The following BAZ2B variants were observed in gnomAD, a reference collection of about 807,000 sequenced individuals.
The protein encoded by BAZ2B is bromodomain adjacent to zinc finger domain protein 2B.
A neutral mutation model predicts 246.0 loss-of-function variants in BAZ2B; 91 were observed. That is an observed-to-expected ratio of 0.37 (90% CI 0.31 to 0.44). BAZ2B has a LOEUF of 0.44. Ranked by LOEUF, BAZ2B falls within the 20% of genes least tolerant of loss-of-function variation. The pLI is 1.00. For synonymous variants in BAZ2B, 855 were observed against 860.0 expected (o/e 0.99, Z 0.10); for missense variants, 2,332 against 2,533.7 (o/e 0.92, Z 1.71).
intron 4 of BAZ2B, among the ~76,000 whole-genome samples, chr2:159,449,049 C>T (rs534821348): frequency 1.4e-4 from 22 of 152,168 alleles, no homozygotes; most frequent in African/African-American, 5.3e-4. Flanking sequence ...AAGCCTCTCC[C>T]CTTAAAGTTA....
chr2:159,482,518 G>T (rs1190929035), intron 2 of BAZ2B, among the ~76,000 whole-genome samples: 1 of 152,054 alleles, frequency 6.6e-6, no homozygotes, highest in African/African-American at 2.4e-5. Context: ...GGCAAGAAAA[G>T]AAACCTCAAG....
At chr2:159,374,880 CTAA>C (rs1268222543) in intron 25 of BAZ2B, 127 bp from the exon 26 acceptor site, 14 of 743,306 alleles carry the variant, frequency 1.9e-5, no homozygotes, top group Middle Eastern at 3.8e-4. Context: ...TTTCTATAAA[CTAA>C]TAATCTGGTA....
chr2:159,490,350 A>T lies in BAZ2B; in HGVS notation c.-2-11629T>A, dbSNP rs368873846. Among the ~76,000 whole-genome samples the T allele has an allele frequency of 3.0e-4, 46 of 152,334 alleles. 1 individual carries two copies. Among genetic ancestry groups the T allele is most frequent in the African/African-American group, 1.1e-3 (45 of 41,586 alleles). Reference sequence around the variant, plus strand: ...ATTTTATAATGCAGAAGTCCAAAATAGCAATAGAATCTACGCGACCTCCTA... The same window carrying T: ...ATTTTATAATGCAGAAGTCCAAAATTGCAATAGAATCTACGCGACCTCCTA... On this transcript the variant is annotated intron_variant, in intron 2 of 36. Coordinates refer to ENST00000392783, the MANE Select transcript of BAZ2B (RefSeq NM_013450.4).
chr2:159,613,321 C>T lies in BAZ2B; in HGVS notation c.-46+2921G>A, dbSNP rs1578962573. ...GTACTACAATTCGGCACTAGTTTAA[C>T]ATGTGAGAACAGTGAAGCTACTATT... On this transcript the variant is annotated intron_variant, in intron 1 of 36. Coordinates refer to ENST00000392783, the MANE Select transcript of BAZ2B (RefSeq NM_013450.4). Among the ~76,000 whole-genome samples, 4 of 152,104 alleles carry T rather than the reference C, an allele frequency of 2.6e-5. No individual in the cohort carries two copies. The East Asian group carries it at 7.7e-4, about 29-fold the overall frequency.
chr2:159,663,855 CTTTTTTTTTTTTT>C, the BAZ2B span, among the ~76,000 whole-genome samples: 59 of 92,480 alleles, frequency 6.4e-4, 1 homozygote, highest in South Asian at 0.011. Flanking sequence ...AAACCATTTT[CTTTTTTTTTTTTT>C]TTTTTTTTTT....
At chr2:159,651,896 G>A in the BAZ2B span, among the ~76,000 whole-genome samples, 1 of 152,022 alleles carries the variant, frequency 6.6e-6, no homozygotes, top group Non-Finnish European at 1.5e-5. Flanking sequence ...CTTCATTGCT[G>A]AATAATATTT....
At chr2:159,701,857 C>T in the BAZ2B span, among the ~76,000 whole-genome samples, 1 of 151,658 alleles carries the variant, frequency 6.6e-6, no homozygotes, top group Non-Finnish European at 1.5e-5. Context: ...GCCTCCTGAG[C>T]AGGTAGGACT....
At chr2:159,616,852 C>T (rs1387036785), upstream of BAZ2B, 1 of 152,084 alleles carries the variant, frequency 6.6e-6, no homozygotes, top group Non-Finnish European at 1.5e-5. Flanking sequence ...ACAAAAGCTA[C>T]AGAGTAGGGA....
intron 1 of BAZ2B, among the ~76,000 whole-genome samples, chr2:159,563,408 T>C (rs1290443751): frequency 2.0e-5 from 3 of 152,240 alleles, no homozygotes; most frequent in Non-Finnish European, 4.4e-5. Flanking sequence ...TAGTTAATTA[T>C]GTTTATAACA....
chr2:159,428,366 A>T lies in BAZ2B; in HGVS notation c.2309T>A (p.Val770Glu). ...RNFGGRLQGE[V>E]AYYAPCGKKL... ...CTTTCCACATGGAGCATAATATGCT[A>T]CTTCTCCTTGAAGGCGCCCTCCAAA... is the stretch of plus-strand genomic sequence containing the variant. The change falls in exon 12 of 37, where the codon GTA becomes GAA. Residue 770 changes from valine to glutamate, a missense_variant. Val to Glu is a moderately radical substitution (Grantham distance 121). This residue lies in a region of BAZ2B where 651 missense variants were observed against 650.9 expected (regional missense o/e 1.00). Coordinates refer to ENST00000392783, the MANE Select transcript of BAZ2B (RefSeq NM_013450.4). The T allele has an allele frequency of 1.9e-6, 3 of 1,613,374 alleles. No individual in the cohort carries two copies. The highest frequency in any genetic ancestry group is 2.5e-6 in the Non-Finnish European group (3 of 1,179,628).
At position 159,453,683 on chromosome 2, in the gene BAZ2B, T is replaced by A; in HGVS notation, c.264A>T (p.Glu88Asp). ...TACCAAGTGTCCCCAAACCACCAAA[T>A]TCTGAATGCCCTGAGCTGGCTGAAT... ...GLHSASSGHS[E>D]FGGLGTLGTP... is the part of the protein sequence containing the mutation. The change falls in exon 4 of 37, where the codon GAA becomes GAT. Residue 88 changes from glutamate to aspartate, a missense_variant. Coordinates refer to ENST00000392783, the MANE Select transcript of BAZ2B (RefSeq NM_013450.4). The A allele has an allele frequency of 6.2e-7, 1 of 1,613,494 alleles. No homozygotes were observed. Among genetic ancestry groups the A allele is most frequent in the Non-Finnish European group, 8.5e-7 (1 of 1,179,718 alleles).
rs772935103 is a variant in BAZ2B, at chr2:159,349,028, T to A, written c.5116A>T (p.Ser1706Cys). ...VEVAKPVDFP[S>C]PKPIPEEMQF... ...CTACCTTCTGGAATAGGTTTTGGACTAGGAAAATCTACTGGTTTTGCTACT... is the reference window on the plus strand; with the variant it reads ...CTACCTTCTGGAATAGGTTTTGGACAAGGAAAATCTACTGGTTTTGCTACT... Residue 1706 changes from serine (S) to cysteine (C), a missense_variant, in exon 29 of 37, where the codon AGT (serine) becomes TGT (cysteine). By Grantham distance (112) the Ser-to-Cys change is moderately radical. Around this residue, in one of 9 missense-constraint regions of BAZ2B, gnomAD observed 676 missense variants for 668.6 expected, o/e 1.01. Transcript: ENST00000392783. 5.0e-6 allele frequency: 8 copies of A among 1,614,146 alleles called. No homozygotes were observed. The South Asian group carries it at 8.8e-5, about 18-fold the overall frequency.
chr2:159,433,479 A>G, intron 8 of BAZ2B, 116 bp from the exon 9 acceptor site: 1 of 932,200 alleles, frequency 1.1e-6, no homozygotes, highest in Non-Finnish European at 1.5e-6. Context: ...ATAAATTTAA[A>G]TCATGATATA....
intron 6 of BAZ2B, among the ~76,000 whole-genome samples, chr2:159,440,636 T>C (rs6733659): frequency 0.45 from 67,455 of 151,512 alleles, 16,720 homozygotes; most frequent in Middle Eastern, 0.59. Flanking sequence ...CTGCCTCAGT[T>C]TCCTGAGTAG....
chr2:159,711,083 G>A, the BAZ2B span, among the ~76,000 whole-genome samples: 5 of 152,152 alleles, frequency 3.3e-5, no homozygotes, highest in African/African-American at 1.2e-4. Context: ...GCAAGGTTAA[G>A]GAATTGCTTG....
chr2:159,458,037 G>C (rs965349132), intron 3 of BAZ2B, among the ~76,000 whole-genome samples: 1 of 151,942 alleles, frequency 6.6e-6, no homozygotes, highest in Non-Finnish European at 1.5e-5. Flanking sequence ...TTGACATGGA[G>C]TCTCCAGCCA....
chr2:159,392,375 A>C (rs565259251), intron 20 of BAZ2B, among the ~76,000 whole-genome samples: 1 of 152,076 alleles, frequency 6.6e-6, no homozygotes, highest in South Asian at 2.1e-4. Context: ...CGTTCCCACA[A>C]CTACTTCAGA....
intron 1 of BAZ2B, among the ~76,000 whole-genome samples, chr2:159,598,508 C>T (rs748109419): frequency 8.5e-5 from 13 of 152,214 alleles, no homozygotes; most frequent in Non-Finnish European, 1.5e-4. Flanking sequence ...AATGTCTTTA[C>T]TGTCCATTAT....
intron 31 of BAZ2B, among the ~76,000 whole-genome samples, chr2:159,344,193 A>G (rs1332284035): frequency 2.0e-5 from 3 of 152,148 alleles, no homozygotes; most frequent in African/African-American, 7.2e-5. Flanking sequence ...CATATGATCC[A>G]GCAATCCTAC....
Sources: allele counts gnomAD v4.1 joint callset (sites outside exome capture counted in the v4.1 genomes callset), GRCh38; gene constraint gnomAD v4.1.1; regional missense constraint gnomAD v4.1.1; transcripts MANE v1.5; gene names NCBI Gene and HGNC (gene_info 2026-07-23, HGNC 2026-07-21).